The following CLEC4A variants were observed in gnomAD, a reference collection of about 807,000 sequenced individuals.
CLEC4A encodes C-type lectin domain family 4 member A, also known as C-type (calcium dependent, carbohydrate-recognition domain) lectin, superfamily member 6.
Under a neutral mutation model 32.7 loss-of-function variants are expected in CLEC4A, and 27 were observed. The ratio of observed to expected loss-of-function variants is 0.83; its 90% CI spans 0.61 to 1.14. The LOEUF (loss-of-function observed/expected upper bound fraction) is 1.14, where lower values mean the gene tolerates loss of function less well. Among genes scored for constraint, CLEC4A ranks in the 50% most tolerant of loss-of-function variants. The pLI is 0.00. For synonymous variants in CLEC4A, 89 were observed against 93.7 expected, an observed-to-expected ratio of 0.95 and a Z score of 0.29; for missense variants, 253 against 274.6, an observed-to-expected ratio of 0.92 and a Z score of 0.55.
chr12:8,128,977 C>G (rs1303313108), intron 2 of CLEC4A, among the ~76,000 whole-genome samples: 8 of 152,004 alleles, frequency 5.3e-5, no homozygotes. Flanking sequence ...CCTGCATCCC[C>G]CCACCCCCAA....
rs1297346064 is a variant in CLEC4A at position 8,136,804 on chromosome 12, A to C, written c.467A>C (p.Asn156Thr). ...CCCCCTCAGGATTTCATCTTCCAGAATCTGCAAGAAGAATCTGCTTATTTT... is the reference window on the plus strand; with the variant it reads ...CCCCCTCAGGATTTCATCTTCCAGACTCTGCAAGAAGAATCTGCTTATTTT... ...TQEEQDFIFQ[N>T]LQEESAYFVG... is the part of the protein sequence containing the mutation. The change falls in exon 5 of 6, where the codon AAT becomes ACT. Residue 156 changes from asparagine to threonine, a missense_variant. Coordinates refer to ENST00000229332, the MANE Select transcript of CLEC4A (RefSeq NM_016184.4). 6.2e-7 allele frequency: 1 copy of C among 1,610,852 alleles called. No homozygotes were observed. Among genetic ancestry groups the C allele is most frequent in the Non-Finnish European group, 8.5e-7 (1 of 1,177,178 alleles).
At chr12:8,137,690 A>G (rs752999977) in intron 5 of CLEC4A, among the ~76,000 whole-genome samples, 27 of 152,334 alleles carry the variant, frequency 1.8e-4, no homozygotes, top group African/African-American at 5.8e-4. Context: ...AAGTTAAATT[A>G]CTTGTCCAAT....
chr12:8,118,407 A>C, the CLEC4A span, among the ~76,000 whole-genome samples: 5 of 152,210 alleles, frequency 3.3e-5, no homozygotes, highest in Admixed American at 1.3e-4. Flanking sequence ...AAAAAAAAAA[A>C]AACCTGAGAC....
the CLEC4A span, among the ~76,000 whole-genome samples, chr12:8,106,007 T>C: frequency 6.6e-6 from 1 of 152,326 alleles, no homozygotes; most frequent in South Asian, 2.1e-4. Context: ...CTTTCAGGGT[T>C]TTTATAGTTT....
intron 3 of CLEC4A, among the ~76,000 whole-genome samples, chr12:8,131,686 C>T (rs866072505): frequency 1.3e-5 from 2 of 152,126 alleles, no homozygotes; most frequent in African/African-American, 4.8e-5. Context: ...GATAAGTTGA[C>T]ACATAAAATT....
intron 3 of CLEC4A, among the ~76,000 whole-genome samples, chr12:8,131,997 G>T (rs1374755121): frequency 1.3e-5 from 2 of 151,936 alleles, no homozygotes; most frequent in African/African-American, 2.4e-5. Context: ...TCCCTCCCCG[G>T]CTTGCTCCCT....
At chr12:8,117,828 T>G in the CLEC4A span, among the ~76,000 whole-genome samples, 2 of 152,198 alleles carry the variant, frequency 1.3e-5, no homozygotes, top group African/African-American at 4.8e-5. Context: ...AGTGGGAATA[T>G]TCTTCAAACA....
At chr12:8,116,632 C>A in the CLEC4A span, among the ~76,000 whole-genome samples, 2 of 152,262 alleles carry the variant, frequency 1.3e-5, no homozygotes, top group East Asian at 3.9e-4. Flanking sequence ...TTTGTGATTT[C>A]ATTATAGATG....
At position 8,123,794 on chromosome 12, in the gene CLEC4A, C is replaced by A; in HGVS notation, c.-85C>A. 1 of 909,930 alleles carries A rather than the reference C, an allele frequency of 1.1e-6. No homozygotes were observed. The highest frequency in any genetic ancestry group is 1.8e-6 in the Non-Finnish European group (1 of 556,248). 56.4% of individuals were successfully genotyped at this position (909,930 alleles called of 1,614,324 possible). A position where few individuals can be genotyped will look rare whatever the true frequency, so the allele number is the denominator to read the frequency against. ...GAGTGAAAGGAAGGAGGTAATTTAC[C>A]ACCATGTTTGGTTCCTGTTTATAAG... On this transcript the variant is annotated 5_prime_UTR_variant, in exon 1 of 6. Transcript: ENST00000229332.
intron 3 of CLEC4A, 122 bp downstream of exon 3, chr12:8,129,484 G>T (rs1191590904): frequency 1.4e-6 from 1 of 708,956 alleles, no homozygotes; most frequent in Admixed American, 2.8e-5. Context: ...AATAATTTAA[G>T]CTACAAATGT....
chr12:8,103,480 G>A, the CLEC4A span, among the ~76,000 whole-genome samples: 4 of 138,938 alleles, frequency 2.9e-5, no homozygotes, highest in African/African-American at 1.1e-4. Context: ...TTTGCCTCCC[G>A]GCTTCACACC....
At chr12:8,131,824 C>CTA (rs143094171) in intron 3 of CLEC4A, among the ~76,000 whole-genome samples, 117,027 of 147,948 alleles carry the variant, frequency 0.79, 48,070 homozygotes, top group East Asian at 0.93. Flanking sequence ...ATATATATAT[C>CTA]TATATATATA....
At chr12:8,135,019 TGTCAGATAATTCTAACAATTTTATTATC>T (rs1565406453) in intron 3 of CLEC4A, among the ~76,000 whole-genome samples, 24 of 105,236 alleles carry the variant, frequency 2.3e-4, no homozygotes, top group African/African-American at 4.0e-4. Flanking sequence ...TTTAAATCTT[TGTCAGATAATTCTAACAATTTTATTATC>T]TTTTTTTTTT....
intron 3 of CLEC4A, chr12:8,134,980 T>TTTTTG: frequency 3.5e-6 from 1 of 282,568 alleles, no homozygotes; most frequent in East Asian, 9.6e-5. Context: ...AGCGTTTTTG[T>TTTTTG]TTTTTGTTTT....
Position 8,138,509 on chromosome 12 carries a change from C to A in CLEC4A, c.*222C>A, listed in dbSNP as rs1183226217. The A allele has an allele frequency of 4.2e-6, 2 of 478,930 alleles. No homozygotes were observed. The highest frequency in any genetic ancestry group is 3.7e-5 in the East Asian group (1 of 27,118). 29.7% of individuals were successfully genotyped at this position (478,930 alleles called of 1,614,324 possible). ...CATGTGCCAGAGCCTGTACTGGAGG[C>A]CCCCATTGTGCACACATGGAGAGAA... On this transcript the variant is annotated 3_prime_UTR_variant, in exon 6 of 6. Transcript: ENST00000229332.
At chr12:8,120,209 A>C (rs929124075), upstream of CLEC4A, among the ~76,000 whole-genome samples, 7 of 152,172 alleles carry the variant, frequency 4.6e-5, no homozygotes, top group African/African-American at 1.7e-4. Context: ...AGTTGAACTC[A>C]GTCTCTAGCT....
chr12:8,134,062 G>C, intron 3 of CLEC4A: 1 of 1,591,844 alleles, frequency 6.3e-7, no homozygotes, highest in Non-Finnish European at 8.6e-7. Flanking sequence ...CAAGCTGCTG[G>C]GCGATGTGGC....
chr12:8,103,427 C>T, the CLEC4A span, among the ~76,000 whole-genome samples: 1 of 130,562 alleles, frequency 7.7e-6, no homozygotes, highest in Non-Finnish European at 1.5e-5. Flanking sequence ...CACTCTGTCG[C>T]CCAGGCTGGA....
chr12:8,135,044 TATC>T lies in CLEC4A; in HGVS notation c.299-540_299-538del, dbSNP rs1565406499. On this transcript the variant is annotated intron_variant, in intron 3 of 5. Transcript: ENST00000229332. ...TGTCAGATAATTCTAACAATTTTAT[TATC>T]TTTTTTTTTTTTTTTTTTTTTTGAG... Among the ~76,000 whole-genome samples the T allele has an allele frequency of 2.5e-3, 205 of 80,588 alleles. 14 individuals are homozygous for T. Among genetic ancestry groups the T allele is most frequent in the Non-Finnish European group, 3.8e-3 (153 of 40,194 alleles). 52.9% of individuals were successfully genotyped at this position (80,588 alleles called of 152,430 possible).
Sources: allele counts gnomAD v4.1 joint callset (sites outside exome capture counted in the v4.1 genomes callset), GRCh38; gene constraint gnomAD v4.1.1; transcripts MANE v1.5; gene names NCBI Gene and HGNC (gene_info 2026-07-23, HGNC 2026-07-21).